Variants in PIP4K2A observed in about 807,000 individuals in gnomAD.
The protein encoded by PIP4K2A is phosphatidylinositol-5-phosphate 4-kinase type 2 alpha.
PIP4K2A carries 14 observed loss-of-function variants against 42.9 expected under a neutral mutation model. The observed-to-expected ratio is 0.33, with a 90% CI of 0.22 to 0.51. PIP4K2A has a LOEUF of 0.51. Ranked by LOEUF, PIP4K2A falls within the 20% of genes least tolerant of loss-of-function variation. The pLI, the probability that PIP4K2A is intolerant of heterozygous loss-of-function variation, is 0.97. For missense variants in PIP4K2A, 434 were observed against 519.8 expected, an observed-to-expected ratio of 0.83 and a Z score of 1.61; for synonymous variants, 192 against 192.2, an observed-to-expected ratio of 1.00 and a Z score of 0.01.
intron 1 of PIP4K2A, among the ~76,000 whole-genome samples, chr10:22,681,169 G>T (rs528396994): frequency 1.3e-5 from 2 of 152,230 alleles, no homozygotes; most frequent in South Asian, 4.1e-4. Context: ...TCTTGCTTTG[G>T]CCAATTCCTT....
At chr10:22,563,323 T>C (rs1836756451) in intron 6 of PIP4K2A, among the ~76,000 whole-genome samples, 1 of 152,238 alleles carries the variant, frequency 6.6e-6, no homozygotes, top group African/African-American at 2.4e-5. Flanking sequence ...GTTTGCACAG[T>C]GTAAGACACG....
chr10:22,595,242 C>T (rs1329791776), intron 3 of PIP4K2A, among the ~76,000 whole-genome samples: 1 of 152,088 alleles, frequency 6.6e-6, no homozygotes, highest in African/African-American at 2.4e-5. Context: ...ATTTTTCCCA[C>T]CTCAAGATAA....
intron 7 of PIP4K2A, among the ~76,000 whole-genome samples, chr10:22,549,859 AAAAAAAAAAAAAAAAG>A (rs1362328816): frequency 3.0e-4 from 42 of 138,352 alleles, no homozygotes; most frequent in African/African-American, 1.3e-3. Context: ...AAAAAAAAAA[AAAAAAAAAAAAAAAAG>A]AAAGGAAAGA....
At chr10:22,710,951 T>C (rs922195402) in intron 1 of PIP4K2A, among the ~76,000 whole-genome samples, 1 of 152,232 alleles carries the variant, frequency 6.6e-6, no homozygotes, top group Non-Finnish European at 1.5e-5. Flanking sequence ...TCTTGGCTCA[T>C]ATCATTCAAC....
intron 1 of PIP4K2A, among the ~76,000 whole-genome samples, chr10:22,651,495 G>C: frequency 6.6e-6 from 1 of 152,088 alleles, no homozygotes; most frequent in East Asian, 1.9e-4. Context: ...AACTCTGCCT[G>C]GAATTCTCTC....
intron 1 of PIP4K2A, among the ~76,000 whole-genome samples, chr10:22,645,811 C>T (rs1838868382): frequency 6.6e-6 from 1 of 152,030 alleles, no homozygotes; most frequent in East Asian, 1.9e-4. Context: ...GTTGATCCTC[C>T]CACCTCAGCC....
chr10:22,536,177 A>G lies in PIP4K2A; in HGVS notation c.*1024T>C, dbSNP rs1835912413. The G allele has an allele frequency of 2.5e-6, 1 of 398,420 alleles. No individual in the cohort carries two copies. The highest frequency in any genetic ancestry group is 1.3e-4 in the South Asian group (1 of 7,860). 24.7% of individuals were successfully genotyped at this position (398,420 alleles called of 1,614,324 possible). On this transcript the variant is annotated 3_prime_UTR_variant, in exon 10 of 10. Transcript: ENST00000376573. ...CATTGTTGAAACAATGGTCAAACAT[A>G]AACATCTTATAATTCAGATCTGCAT...
At position 22,535,854 on chromosome 10, in the gene PIP4K2A, A is replaced by AAATC. The variant is rs1242071707; in HGVS notation, c.*1343_*1346dup. ...ACTGGGGCGAAATCTCTTTTTAAAA[A>AAATC]AATCAATCATTAGGTTGATAAATGT... On this transcript the variant is annotated 3_prime_UTR_variant, in exon 10 of 10. Transcript: ENST00000376573. 5.8e-6 allele frequency: 2 copies of AAATC among 347,778 alleles called. No homozygotes were observed. The highest frequency in any genetic ancestry group is 4.1e-5 in the East Asian group (1 of 24,560). 21.5% of individuals were successfully genotyped at this position (347,778 alleles called of 1,614,324 possible).
chr10:22,541,687 G>T, intron 8 of PIP4K2A, 117 bp downstream of exon 8: 1 of 1,170,210 alleles, frequency 8.5e-7, no homozygotes, highest in Non-Finnish European at 1.2e-6. Context: ...TTTGGAGTTT[G>T]GAGGATGAGT....
At chr10:22,547,199 A>G (rs1836277462) in intron 7 of PIP4K2A, among the ~76,000 whole-genome samples, 1 of 152,244 alleles carries the variant, frequency 6.6e-6, no homozygotes, top group African/African-American at 2.4e-5. Context: ...ATATCTGTGA[A>G]GTAGAATTAA....
intron 4 of PIP4K2A, among the ~76,000 whole-genome samples, chr10:22,584,156 G>C (rs774203903): frequency 6.6e-6 from 1 of 152,040 alleles, no homozygotes; most frequent in African/African-American, 2.4e-5. Flanking sequence ...ACAGAGGTGG[G>C]AACTCTCAGG....
intron 3 of PIP4K2A, among the ~76,000 whole-genome samples, chr10:22,600,281 G>A (rs769037153): frequency 6.6e-6 from 1 of 151,890 alleles, no homozygotes; most frequent in Non-Finnish European, 1.5e-5. Context: ...GGTTGAAAGA[G>A]GGGCCACTTA....
chr10:22,579,300 G>C (rs1047287838), intron 4 of PIP4K2A, among the ~76,000 whole-genome samples: 1 of 152,166 alleles, frequency 6.6e-6, no homozygotes, highest in Non-Finnish European at 1.5e-5. Flanking sequence ...GAACTTTGAG[G>C]AAAGGGGTGG....
intron 1 of PIP4K2A, among the ~76,000 whole-genome samples, chr10:22,662,665 A>G (rs1296507457): frequency 6.6e-6 from 1 of 152,184 alleles, no homozygotes; most frequent in East Asian, 1.9e-4. Context: ...TAGCCCGATG[A>G]CTGCTTGAAT....
chr10:22,701,032 T>G (rs1221417764), intron 1 of PIP4K2A, among the ~76,000 whole-genome samples: 1 of 152,222 alleles, frequency 6.6e-6, no homozygotes, highest in African/African-American at 2.4e-5. Flanking sequence ...TGCATTACTC[T>G]GCCTGTAACA....
chr10:22,656,389 C>A (rs1241435339), intron 1 of PIP4K2A, among the ~76,000 whole-genome samples: 1 of 152,178 alleles, frequency 6.6e-6, no homozygotes, highest in Non-Finnish European at 1.5e-5. Context: ...GACGTATGAC[C>A]CAATTTGGGG....
At chr10:22,661,941 A>C (rs1441843325) in intron 1 of PIP4K2A, 1 of 152,166 alleles carries the variant, frequency 6.6e-6, no homozygotes, top group Non-Finnish European at 1.5e-5. Context: ...ATGAGGAACA[A>C]GATTGTGATG....
intron 6 of PIP4K2A, among the ~76,000 whole-genome samples, chr10:22,565,839 C>CG (rs1029703774): frequency 0.013 from 41 of 3,102 alleles, no homozygotes; most frequent in South Asian, 0.12. Context: ...TTATAAACAG[C>CG]CCCCCCAGGT....
intron 1 of PIP4K2A, among the ~76,000 whole-genome samples, chr10:22,664,148 TATAC>T (rs1452038257): frequency 4.0e-5 from 1 of 24,990 alleles, no homozygotes; most frequent in African/African-American, 3.6e-4. Flanking sequence ...TATACATATA[TATAC>T]ACATATATAT....
Sources: allele counts gnomAD v4.1 joint callset (sites outside exome capture counted in the v4.1 genomes callset), GRCh38; gene constraint gnomAD v4.1.1; transcripts MANE v1.5; gene names NCBI Gene and HGNC (gene_info 2026-07-23, HGNC 2026-07-21).